ZFHX3: variants seen among roughly 807,000 people sequenced by gnomAD.
The protein encoded by ZFHX3 is zinc finger homeobox 3.
A neutral mutation model predicts 279.1 loss-of-function variants in ZFHX3; 42 were observed. The observed-to-expected ratio is 0.15, with a 90% CI of 0.12 to 0.19. The LOEUF (loss-of-function observed/expected upper bound fraction) is 0.19, where lower values mean the gene tolerates loss of function less well. Among genes scored for constraint, ZFHX3 ranks in the 10% least tolerant of loss-of-function variants. The pLI, the probability that ZFHX3 is intolerant of heterozygous loss-of-function variation, is 1.00. For synonymous variants in ZFHX3, 2,293 were observed against 1,957.8 expected (o/e 1.17, Z -4.52); for missense variants, 4,981 against 4,754.0 (o/e 1.05, Z -1.40).
intron 2 of ZFHX3, among the ~76,000 whole-genome samples, chr16:73,642,185 T>C (rs900412176): frequency 1.3e-5 from 2 of 152,196 alleles, no homozygotes; most frequent in African/African-American, 4.8e-5. Flanking sequence ...TGGAACTCTT[T>C]TTCTTTTACT....
At position 72,785,527 on chromosome 16, in the gene ZFHX3, C is replaced by CTTGT. The variant is rs766865697; in HGVS notation, c.*1633_*1636dup. 5 of 152,618 alleles carry CTTGT rather than the reference C, an allele frequency of 3.3e-5. No individual in the cohort carries two copies. The highest frequency in any genetic ancestry group is 1.5e-5 in the Non-Finnish European group (1 of 68,042). The allele number at this position is 152,618 out of a possible 1,614,324, so 9.5% of individuals were successfully genotyped here. A position where few individuals can be genotyped will look rare whatever the true frequency, so the allele number is the denominator to read the frequency against. ...TTCTCTTTCTTTTATTAAACTAAGT[C>CTTGT]TTGTTTGTTTAAATCAGAAACAAAT... On this transcript the variant is annotated 3_prime_UTR_variant, in exon 10 of 10. Transcript: ENST00000268489.
At chr16:73,839,964 A>T (rs970423434) in intron 1 of ZFHX3, among the ~76,000 whole-genome samples, 2 of 152,106 alleles carry the variant, frequency 1.3e-5, no homozygotes, top group African/African-American at 4.8e-5. Context: ...CCATTCCTGG[A>T]CCCATCCTCT....
chr16:73,102,126 C>G (rs540829965), intron 7 of ZFHX3, among the ~76,000 whole-genome samples: 1 of 152,092 alleles, frequency 6.6e-6, no homozygotes, highest in Non-Finnish European at 1.5e-5. Flanking sequence ...GTTGTCCAGG[C>G]TGGTCTCAAA....
At chr16:73,153,338 C>T (rs975143275) in intron 5 of ZFHX3, among the ~76,000 whole-genome samples, 3 of 152,210 alleles carry the variant, frequency 2.0e-5, no homozygotes, top group African/African-American at 7.2e-5. Context: ...AGGCTGATCT[C>T]AAACTCCGGC....
At chr16:73,423,555 T>A (rs771216010) in intron 3 of ZFHX3, among the ~76,000 whole-genome samples, 13 of 152,052 alleles carry the variant, frequency 8.5e-5, no homozygotes, top group Non-Finnish European at 1.9e-4. Flanking sequence ...TGGGGAAAAG[T>A]TTGCTGTTAA....
chr16:73,322,129 G>C (rs961435896), intron 3 of ZFHX3, among the ~76,000 whole-genome samples: 4 of 152,154 alleles, frequency 2.6e-5, no homozygotes, highest in African/African-American at 9.7e-5. Flanking sequence ...ACACAGCTCG[G>C]AGAGCAGAGG....
chr16:72,793,174 G>A lies in ZFHX3; in HGVS notation c.9427+81C>T, dbSNP rs1051413316. On this transcript the variant is annotated intron_variant, in intron 9 of 9. Coordinates refer to ENST00000268489, the MANE Select transcript of ZFHX3 (RefSeq NM_006885.4). This position sits in a 1 kb window ranked among gnomAD's most constrained non-coding sequence, Gnocchi z 4.3. ...GCTTCCCATCTGCCCAGCACTCAGA[G>A]GGTTTGGGTGGTATCCACATAACAG... 2 of 1,520,060 alleles carry A rather than the reference G, an allele frequency of 1.3e-6. No homozygotes were observed. Among genetic ancestry groups the A allele is most frequent in the Non-Finnish European group, 1.8e-6 (2 of 1,136,768 alleles). The allele number at this position is 1,520,060 out of a possible 1,614,324, so 94.2% of individuals were successfully genotyped here.
At chr16:73,087,828 C>G (rs1966026245) in intron 8 of ZFHX3, among the ~76,000 whole-genome samples, 1 of 151,368 alleles carries the variant, frequency 6.6e-6, no homozygotes, top group Non-Finnish European at 1.5e-5. Context: ...TCATTTCTCT[C>G]TCTTTTTTTT....
At chr16:72,874,581 G>A (rs2038258619) in intron 4 of ZFHX3, among the ~76,000 whole-genome samples, 1 of 152,100 alleles carries the variant, frequency 6.6e-6, no homozygotes, top group Non-Finnish European at 1.5e-5. Flanking sequence ...AAGGAAAGTG[G>A]ATGTCTGCTG....
intron 1 of ZFHX3, among the ~76,000 whole-genome samples, chr16:73,891,385 T>C (rs1251986864): frequency 1.3e-5 from 2 of 152,060 alleles, no homozygotes; most frequent in Non-Finnish European, 2.9e-5. Flanking sequence ...CCTATTTGCA[T>C]ATTCACATGA....
At chr16:73,635,035 A>C (rs1029951118) in intron 2 of ZFHX3, among the ~76,000 whole-genome samples, 2 of 152,186 alleles carry the variant, frequency 1.3e-5, no homozygotes, top group African/African-American at 4.8e-5. Flanking sequence ...CAATGTGTCG[A>C]GTCATTTATC....
upstream of ZFHX3, among the ~76,000 whole-genome samples, chr16:73,051,185 A>C (rs1277209211): frequency 1.3e-5 from 2 of 152,190 alleles, no homozygotes; most frequent in East Asian, 3.8e-4. Context: ...TATTTTTATT[A>C]AATTATACGT....
chr16:73,290,481 G>A (rs2014740536), intron 4 of ZFHX3, among the ~76,000 whole-genome samples: 1 of 152,210 alleles, frequency 6.6e-6, no homozygotes, highest in Non-Finnish European at 1.5e-5. Context: ...GAAGGAGGAT[G>A]CCATGGGGTC....
At chr16:73,132,284 C>CA (rs11405567) in intron 6 of ZFHX3, among the ~76,000 whole-genome samples, 5,244 of 151,178 alleles carry the variant, frequency 0.035, 320 homozygotes, top group African/African-American at 0.12. Context: ...GACTCTGTCT[C>CA]AAAAAAAAGA....
chr16:73,100,106 C>T (rs533489897), intron 7 of ZFHX3, among the ~76,000 whole-genome samples: 83 of 152,082 alleles, frequency 5.5e-4, no homozygotes, highest in Non-Finnish European at 6.0e-4. Context: ...TTGACAATTC[C>T]GGGGCTCCAC....
intron 6 of ZFHX3, among the ~76,000 whole-genome samples, chr16:73,132,229 G>A (rs1455682683): frequency 6.6e-6 from 1 of 152,166 alleles, no homozygotes; most frequent in Non-Finnish European, 1.5e-5. Flanking sequence ...AAGCTACAGT[G>A]AGCTTTGATT....
chr16:73,328,398 C>G (rs769795400), intron 3 of ZFHX3, among the ~76,000 whole-genome samples: 6 of 152,212 alleles, frequency 3.9e-5, no homozygotes, highest in Non-Finnish European at 8.8e-5. Context: ...TTGCATTCCA[C>G]AAGACACTAG....
At chr16:73,471,054 A>G (rs1425653825) in intron 2 of ZFHX3, among the ~76,000 whole-genome samples, 1 of 152,090 alleles carries the variant, frequency 6.6e-6, no homozygotes, top group Non-Finnish European at 1.5e-5. Flanking sequence ...TTTTTTCTTT[A>G]AATATTTCTC....
chr16:72,961,902 A>G (rs1472030734), intron 1 of ZFHX3, among the ~76,000 whole-genome samples: 1 of 146,344 alleles, frequency 6.8e-6, no homozygotes, highest in African/African-American at 2.7e-5. Context: ...ACCAAACCAA[A>G]CCAAACCAAA....
Sources: allele counts gnomAD v4.1 joint callset (sites outside exome capture counted in the v4.1 genomes callset), GRCh38; gene constraint gnomAD v4.1.1; non-coding constraint Gnocchi (gnomAD v3.1); transcripts MANE v1.5; gene names NCBI Gene and HGNC (gene_info 2026-07-23, HGNC 2026-07-21).